NAPEPLD: variants seen among roughly 807,000 people sequenced by gnomAD.
NAPEPLD encodes the protein N-acyl phosphatidylethanolamine phospholipase D.
Under a neutral mutation model 38.1 loss-of-function variants are expected in NAPEPLD, and 23 were observed. The ratio of observed to expected loss-of-function variants is 0.60; its 90% confidence interval spans 0.43 to 0.86. The LOEUF is 0.86. Ranked by LOEUF, NAPEPLD falls within the 40% of genes least tolerant of loss-of-function variation. The pLI, the probability that NAPEPLD is intolerant of heterozygous loss-of-function variation, is 0.00. For synonymous variants in NAPEPLD, 147 were observed against 162.0 expected, an observed-to-expected ratio of 0.91 and a Z score of 0.71; for missense variants, 411 against 476.8, an observed-to-expected ratio of 0.86 and a Z score of 1.28.
At chr7:103,124,607 GC>G (rs1424847519) in intron 2 of NAPEPLD, among the ~76,000 whole-genome samples, 1 of 152,114 alleles carries the variant, frequency 6.6e-6, no homozygotes, top group East Asian at 1.9e-4. Flanking sequence ...CTTTTTGAAA[GC>G]TGCAAAATGG....
chr7:103,115,356 G>C, intron 3 of NAPEPLD, 182 bp from the exon 4 acceptor site: 1 of 493,104 alleles, frequency 2.0e-6, no homozygotes, highest in East Asian at 3.3e-5. Context: ...CTGAAGGCCA[G>C]GTCAAGGCTA....
chr7:103,145,237 T>A lies in NAPEPLD; in HGVS notation c.-17+3574A>T, dbSNP rs189566584. On this transcript the variant is annotated intron_variant, in intron 1 of 4. Coordinates refer to ENST00000465647, the MANE Select transcript of NAPEPLD (RefSeq NM_001122838.3). ...AAAAAAATTATAATGCTATACGTAA[T>A]CAGGCTTAACTAAGACAATGTTGCT... is the stretch of plus-strand genomic sequence containing the variant. Among the ~76,000 whole-genome samples, 149 of 152,344 alleles carry A rather than the reference T, an allele frequency of 9.8e-4. 1 individual carries two copies. Among genetic ancestry groups the A allele is most frequent in the Non-Finnish European group, 3.5e-4 (24 of 68,034 alleles).
At chr7:103,122,102 CTT>C (rs576597640) in intron 2 of NAPEPLD, among the ~76,000 whole-genome samples, 15 of 141,184 alleles carry the variant, frequency 1.1e-4, no homozygotes, top group Admixed American at 2.1e-4. Flanking sequence ...GAGGAAGCAT[CTT>C]TTTTTTTTTT....
In NAPEPLD at chr7:103,103,450, A is replaced by C; in HGVS notation, c.1161T>G (p.Asn387Lys). The change falls in exon 5 of 5, where the codon AAT becomes AAG. Residue 387 changes from asparagine to lysine, a missense_variant. Transcript: ENST00000465647. ...TTTATTAAAAGTTTTCATCATCATT[A>C]TTTAGGTATCTTGATTCTCCATGCT... Reference protein sequence around the residue: ...VLKHGESRYLNNDDENF With the variant: ...VLKHGESRYLKNDDENF 6.3e-7 allele frequency: 1 copy of C among 1,579,118 alleles called. No individual in the cohort carries two copies. Among genetic ancestry groups the C allele is most frequent in the Non-Finnish European group, 8.5e-7 (1 of 1,169,722 alleles).
chr7:103,109,099 G>A (rs1803988478), intron 4 of NAPEPLD, among the ~76,000 whole-genome samples: 1 of 152,124 alleles, frequency 6.6e-6, no homozygotes, highest in Non-Finnish European at 1.5e-5. Flanking sequence ...CAAGTTCTTA[G>A]AGACCTACAA....
rs1050139734 is a variant in NAPEPLD, at chr7:103,149,075, C to G, written c.-281G>C. On this transcript the variant is annotated 5_prime_UTR_variant, in exon 1 of 5. Transcript: ENST00000465647. ...CCCGCTCCACTTCGCCGAAGAATTC[C>G]AAACCACCCCAGGCTCAGCAGTGTG... is the stretch of plus-strand genomic sequence containing the variant. 1 of 985,486 alleles carries G rather than the reference C, an allele frequency of 1.0e-6. No homozygotes were observed. Among genetic ancestry groups the G allele is most frequent in the Non-Finnish European group, 1.2e-6 (1 of 830,016 alleles). The allele number at this position is 985,486 out of a possible 1,614,324, so 61.0% of individuals were successfully genotyped here.
intron 1 of NAPEPLD, among the ~76,000 whole-genome samples, chr7:103,133,358 C>T (rs1359293217): frequency 1.3e-5 from 2 of 152,186 alleles, no homozygotes; most frequent in Non-Finnish European, 2.9e-5. Context: ...CCATTTCACA[C>T]GATGCACTGT....
intron 4 of NAPEPLD, among the ~76,000 whole-genome samples, chr7:103,106,207 C>G (rs1803304090): frequency 6.6e-6 from 1 of 152,186 alleles, no homozygotes. Context: ...ACAGTGCACT[C>G]CAGCCCAGAT....
At chr7:103,149,226 C>T (rs1356230932), upstream of NAPEPLD, 34 of 997,206 alleles carry the variant, frequency 3.4e-5, no homozygotes, top group Non-Finnish European at 4.1e-5. Flanking sequence ...GGATCCCGGG[C>T]CGCGGGCGCG....
intron 1 of NAPEPLD, among the ~76,000 whole-genome samples, chr7:103,137,933 C>T (rs1262579429): frequency 3.3e-5 from 5 of 150,972 alleles, no homozygotes; most frequent in African/African-American, 7.3e-5. Context: ...GCCTGTGGAA[C>T]TTGAAATGCG....
At position 103,120,015 on chromosome 7, in the gene NAPEPLD, G is replaced by T. The variant is rs1806315418; in HGVS notation, c.503C>A (p.Ser168Tyr). 1 of 1,614,198 alleles carries T rather than the reference G, an allele frequency of 6.2e-7. No homozygotes were observed. The highest frequency in any genetic ancestry group is 8.5e-7 in the Non-Finnish European group (1 of 1,180,040). Residue 168 changes from serine (S) to tyrosine (Y), a missense_variant, in exon 3 of 5, where the codon TCC becomes TAC. Coordinates refer to ENST00000465647, the MANE Select transcript of NAPEPLD (RefSeq NM_001122838.3). The part of the protein sequence containing the change: ...QYMGPKRFRR[S>Y]PCTISELPPI... ...AGGGAGTTCACTTATTGTGCACGGG[G>T]AACGACGAAATCGCTTTGGACCCAT...
Position 103,128,772 on chromosome 7 carries a change from T to C in NAPEPLD, c.5A>G (p.Asp2Gly), listed in dbSNP as rs779977953. ...CAGAGACTGGTTGCTTTCATTTTCA[T>C]CCATGTCCTTTGGTGAAGAACTAAA... M[D>G]ENESNQSLMT... Residue 2 changes from aspartate (D) to glycine (G), a missense_variant, in exon 2 of 5, where the codon GAT becomes GGT. Coordinates refer to ENST00000465647, the MANE Select transcript of NAPEPLD (RefSeq NM_001122838.3). 1.2e-6 allele frequency: 2 copies of C among 1,609,916 alleles called. No individual in the cohort carries two copies. Among genetic ancestry groups the C allele is most frequent in the African/African-American group, 2.7e-5 (2 of 74,492 alleles).
Position 103,115,060 on chromosome 7 carries a change from C to T in NAPEPLD, c.1056G>A (p.Glu352=), listed in dbSNP as rs375318567. ...IHWGTFALAN[E]HYLEPPVKLN... The stretch of plus-strand genomic sequence containing the variant: ...TTATTTTTATCGCAATCAAACTTAC[C>T]TCATTTGCTAAGGCAAAAGTTCCCC... The change falls in exon 4 of 5, where the codon GAG becomes GAA. Residue 352 remains glutamate, a splice_region_variant and synonymous_variant. Coordinates refer to ENST00000465647, the MANE Select transcript of NAPEPLD (RefSeq NM_001122838.3). 9 of 1,609,412 alleles carry T rather than the reference C, an allele frequency of 5.6e-6. No individual in the cohort carries two copies. Among genetic ancestry groups the T allele is most frequent in the Middle Eastern group, 3.3e-4 (2 of 6,042 alleles).
chr7:103,136,846 T>C (rs1810187968), intron 1 of NAPEPLD, among the ~76,000 whole-genome samples: 1 of 152,222 alleles, frequency 6.6e-6, no homozygotes, highest in African/African-American at 2.4e-5. Flanking sequence ...TCGCAAAGCA[T>C]TCATCCAATT....
At chr7:103,135,779 C>T (rs1454171675) in intron 1 of NAPEPLD, among the ~76,000 whole-genome samples, 1 of 152,046 alleles carries the variant, frequency 6.6e-6, no homozygotes, top group African/African-American at 2.4e-5. Context: ...AATTTATCTT[C>T]ACTAGAGTGG....
intron 4 of NAPEPLD, among the ~76,000 whole-genome samples, chr7:103,110,519 C>CG (rs1804303776): frequency 6.6e-6 from 1 of 152,038 alleles, no homozygotes; most frequent in Non-Finnish European, 1.5e-5. Flanking sequence ...AAAAGGCCTT[C>CG]GACAAAATTC....
In NAPEPLD at chr7:103,101,909, G is replaced by A. The variant is rs1802453331; in HGVS notation, c.*1520C>T. The A allele has an allele frequency of 1.3e-5, 2 of 152,058 alleles. No individual in the cohort carries two copies. Among genetic ancestry groups the A allele is most frequent in the Non-Finnish European group, 2.9e-5 (2 of 68,014 alleles). The allele number at this position is 152,058 out of a possible 1,614,324, so 9.4% of individuals were successfully genotyped here. ...AGGAATACAGAATGGGCCTCCAGTG[G>A]TATCTAATCCACCTCCCTCCCTTAG... On this transcript the variant is annotated 3_prime_UTR_variant, in exon 5 of 5. Coordinates refer to ENST00000465647, the MANE Select transcript of NAPEPLD (RefSeq NM_001122838.3).
Position 103,120,036 on chromosome 7 carries a change from C to A in NAPEPLD, c.482G>T (p.Gly161Val). 6.2e-7 allele frequency: 1 copy of A among 1,614,174 alleles called. No individual in the cohort carries two copies. The highest frequency in any genetic ancestry group is 8.5e-7 in the Non-Finnish European group (1 of 1,180,034). The change falls in exon 3 of 5, where the codon GGT (glycine) becomes GTT (valine). Residue 161 changes from glycine to valine, a missense_variant. Coordinates refer to ENST00000465647, the MANE Select transcript of NAPEPLD (RefSeq NM_001122838.3). ...CGGGGAACGACGAAATCGCTTTGGA[C>A]CCATGTACTGCGATGGTGAAGCACG... is the stretch of plus-strand genomic sequence containing the variant. Reference protein sequence around the residue: ...SSRASPSQYMGPKRFRRSPCT... With the variant: ...SSRASPSQYMVPKRFRRSPCT...
chr7:103,110,485 A>G (rs9649257), intron 4 of NAPEPLD, among the ~76,000 whole-genome samples: 134,861 of 152,148 alleles, frequency 0.89, 62,029 homozygotes, highest in East Asian at 1. Flanking sequence ...GACAAAAACC[A>G]CATGATTGTC....
Sources: allele counts gnomAD v4.1 joint callset (sites outside exome capture counted in the v4.1 genomes callset), GRCh38; gene constraint gnomAD v4.1.1; transcripts MANE v1.5; gene names NCBI Gene and HGNC (gene_info 2026-07-23, HGNC 2026-07-21).